Variants in PPP2R3A observed in about 807,000 individuals in gnomAD.
PPP2R3A encodes the protein protein phosphatase 2 regulatory subunit B''alpha, also known as serine/threonine-protein phosphatase 2A regulatory subunit B'' subunit alpha.
Under a neutral mutation model 106.9 loss-of-function variants are expected in PPP2R3A, and 80 were observed. That is an observed-to-expected ratio of 0.75 (90% CI 0.62 to 0.90). PPP2R3A has a LOEUF of 0.90. Among genes scored for constraint, PPP2R3A ranks in the 40% least tolerant of loss-of-function variants. The pLI is 0.00. For missense variants in PPP2R3A, 1,386 were observed against 1,350.4 expected (o/e 1.03, Z -0.41); for synonymous variants, 483 against 468.3 (o/e 1.03, Z -0.41).
chr3:136,045,162 C>CTT (rs1935429526), intron 4 of PPP2R3A, among the ~76,000 whole-genome samples: 1 of 152,210 alleles, frequency 6.6e-6, no homozygotes, highest in African/African-American at 2.4e-5. Flanking sequence ...TCCTGTCTGG[C>CTT]TTCTCCCATA....
intron 13 of PPP2R3A, among the ~76,000 whole-genome samples, chr3:136,111,738 T>C (rs1474824034): frequency 4.0e-5 from 6 of 151,886 alleles, no homozygotes; most frequent in Non-Finnish European, 8.8e-5. Flanking sequence ...GAAGAGCTGG[T>C]ACCAATCCTG....
intron 13 of PPP2R3A, among the ~76,000 whole-genome samples, chr3:136,132,163 TA>T (rs1236816429): frequency 2.0e-5 from 3 of 146,774 alleles, no homozygotes; most frequent in East Asian, 2.0e-4. Context: ...TTAAGTATAA[TA>T]AAAAAAAAAC....
intron 13 of PPP2R3A, among the ~76,000 whole-genome samples, chr3:136,115,493 GAACCTTTA>G: frequency 6.6e-6 from 1 of 151,956 alleles, no homozygotes; most frequent in Non-Finnish European, 1.5e-5. Flanking sequence ...AGGAAGCTAA[GAACCTTTA>G]AAAAAGGGTA....
rs1042363372 is a variant in PPP2R3A, at chr3:136,003,046, G to A, written c.1548G>A (p.Leu516=). ...QEEIDKLLMD[L]ESFSQKMETS... is the part of the protein sequence containing the mutation. ...AGATAGATAAATTGTTAATGGATTT[G>A]GAATCTTTTTCACAGAAGATGGAGA... The change falls in exon 2 of 14, where the codon TTG becomes TTA. Residue 516 remains leucine, a synonymous_variant. Transcript: ENST00000264977. The A allele has an allele frequency of 7.4e-6, 12 of 1,612,760 alleles. No homozygotes were observed. In the Admixed American group the frequency reaches 1.2e-4, roughly 16 times the overall value.
At chr3:136,012,578 C>G (rs765814161) in intron 2 of PPP2R3A, among the ~76,000 whole-genome samples, 40 of 152,030 alleles carry the variant, frequency 2.6e-4, no homozygotes, top group Non-Finnish European at 4.0e-4. Flanking sequence ...GGCCTCCTTT[C>G]CCCCACCAGT....
intron 5 of PPP2R3A, among the ~76,000 whole-genome samples, chr3:136,058,345 A>G (rs1259860240): frequency 6.6e-6 from 1 of 152,216 alleles, no homozygotes; most frequent in Non-Finnish European, 1.5e-5. Flanking sequence ...ATCAGTGTGT[A>G]GAAATCACTA....
chr3:136,129,809 A>G (rs1343478642), intron 13 of PPP2R3A, among the ~76,000 whole-genome samples: 2 of 152,226 alleles, frequency 1.3e-5, no homozygotes, highest in African/African-American at 2.4e-5. Context: ...CAAAAAGCTT[A>G]TCCACTATGA....
chr3:136,052,179 C>G (rs545381882), intron 5 of PPP2R3A, among the ~76,000 whole-genome samples: 1 of 152,308 alleles, frequency 6.6e-6, no homozygotes, highest in East Asian at 1.9e-4. Flanking sequence ...CTACTGCTCT[C>G]CATCCTCACT....
At chr3:136,120,539 T>C (rs2107999765) in intron 13 of PPP2R3A, among the ~76,000 whole-genome samples, 1 of 152,062 alleles carries the variant, frequency 6.6e-6, no homozygotes, top group East Asian at 1.9e-4. Flanking sequence ...AGTGAGCCGA[T>C]ACCGTGCCAC....
intron 2 of PPP2R3A, chr3:136,023,328 G>T (rs1934530841): frequency 1.3e-6 from 1 of 773,926 alleles, no homozygotes; most frequent in Non-Finnish European, 2.0e-6. Flanking sequence ...CTTGATATTA[G>T]ATCAAGGAAT....
chr3:136,083,781 G>T (rs1424212411), intron 8 of PPP2R3A, among the ~76,000 whole-genome samples: 1 of 152,236 alleles, frequency 6.6e-6, no homozygotes, highest in African/African-American at 2.4e-5. Flanking sequence ...CCAGGCTGAA[G>T]TGATCTCAGG....
chr3:136,026,303 A>T (rs1287382557), intron 2 of PPP2R3A, among the ~76,000 whole-genome samples: 1 of 152,190 alleles, frequency 6.6e-6, no homozygotes, highest in Non-Finnish European at 1.5e-5. Flanking sequence ...TTCTTAACAA[A>T]GATTTTCTCA....
intron 3 of PPP2R3A, among the ~76,000 whole-genome samples, chr3:136,030,822 G>A (rs1032478272): frequency 9.9e-4 from 136 of 138,034 alleles, no homozygotes; most frequent in African/African-American, 3.8e-3. Flanking sequence ...ATGTATGTAT[G>A]TATACACACA....
intron 5 of PPP2R3A, among the ~76,000 whole-genome samples, 157 bp from the exon 6 acceptor site, chr3:136,070,321 A>G (rs1012921818): frequency 2.6e-5 from 4 of 152,264 alleles, no homozygotes; most frequent in African/African-American, 9.6e-5. Context: ...GTATGCTTAT[A>G]ATGAAACGAA....
At chr3:136,059,510 T>C (rs1936003976) in intron 5 of PPP2R3A, among the ~76,000 whole-genome samples, 2 of 152,154 alleles carry the variant, frequency 1.3e-5, no homozygotes, top group South Asian at 4.1e-4. Context: ...CAAAAGGGAA[T>C]GCTTATACAT....
At chr3:136,128,750 T>C (rs1263312917) in intron 13 of PPP2R3A, among the ~76,000 whole-genome samples, 1 of 152,126 alleles carries the variant, frequency 6.6e-6, no homozygotes, top group Non-Finnish European at 1.5e-5. Context: ...TATTCCAAAA[T>C]TGACCACATA....
chr3:136,135,418 C>G (rs920889318), intron 13 of PPP2R3A, among the ~76,000 whole-genome samples: 1 of 152,182 alleles, frequency 6.6e-6, no homozygotes, highest in African/African-American at 2.4e-5. Context: ...AAAGCAAGGC[C>G]AGACCTAAAT....
Position 136,003,221 on chromosome 3 carries a change from A to G in PPP2R3A, c.1723A>G (p.Ile575Val), listed in dbSNP as rs1559863137. 1 of 1,613,998 alleles carries G rather than the reference A, an allele frequency of 6.2e-7. No homozygotes were observed. Among genetic ancestry groups the G allele is most frequent in the Non-Finnish European group, 8.5e-7 (1 of 1,179,914 alleles). The change falls in exon 2 of 14, where the codon ATT becomes GTT. Residue 575 changes from isoleucine (I) to valine (V), a missense_variant. By Grantham distance (29) the Ile-to-Val change is conservative. Transcript: ENST00000264977. ...AGTCTCACCTTCCTGTCTAACAAGG[A>G]TTATTGAAACCAATGGACACAAAAT... The part of the protein sequence containing the change: ...EKVSPSCLTR[I>V]IETNGHKIEE...
At chr3:136,080,229 T>G (rs1204271095) in intron 7 of PPP2R3A, among the ~76,000 whole-genome samples, 1 of 152,248 alleles carries the variant, frequency 6.6e-6, no homozygotes, top group Non-Finnish European at 1.5e-5. Context: ...TTTCAACTAC[T>G]GCATAATCAA....
Sources: allele counts gnomAD v4.1 joint callset (sites outside exome capture counted in the v4.1 genomes callset), GRCh38; gene constraint gnomAD v4.1.1; transcripts MANE v1.5; gene names NCBI Gene and HGNC (gene_info 2026-07-23, HGNC 2026-07-21).